The following BNC2 variants were observed in gnomAD, a reference collection of about 807,000 sequenced individuals.
BNC2 encodes basonuclin zinc finger protein 2, also known as zinc finger protein basonuclin-2.
BNC2 carries 20 observed loss-of-function variants against 76.3 expected under a neutral mutation model. That is an observed-to-expected ratio of 0.26 (90% CI 0.18 to 0.38). The LOEUF (loss-of-function observed/expected upper bound fraction) is 0.38, where lower values mean the gene tolerates loss of function less well. Ranked by LOEUF, BNC2 falls within the 10% of genes least tolerant of loss-of-function variation. The pLI is 1.00. For synonymous variants in BNC2, 582 were observed against 514.8 expected (o/e 1.13, Z -1.77); for missense variants, 1,382 against 1,399.8 (o/e 0.99, Z 0.20).
In BNC2 at chr9:16,436,915, G is replaced by T; in HGVS notation, c.1279C>A (p.His427Asn). Residue 427 changes from histidine (H) to asparagine (N), a missense_variant, in exon 6 of 7, where the codon CAT becomes AAT. This residue lies in a region of BNC2 where 557 missense variants were observed against 540.9 expected (regional missense o/e 1.03). Coordinates refer to ENST00000380672, the MANE Select transcript of BNC2 (RefSeq NM_017637.6). ...GCTGACCCCATCCTTCTCATCCGATGAATCCGGAATGAGCTTTTTGGGTGT... is the reference window on the plus strand; with the variant it reads ...GCTGACCCCATCCTTCTCATCCGATTAATCCGGAATGAGCTTTTTGGGTGT... ...TEHPKSSFRI[H>N]RMRRMGSASR... 1 of 1,614,112 alleles carries T rather than the reference G, an allele frequency of 6.2e-7. No individual in the cohort carries two copies. The highest frequency in any genetic ancestry group is 8.5e-7 in the Non-Finnish European group (1 of 1,180,036).
chr9:16,777,837 G>A (rs1022542656), intron 1 of BNC2, among the ~76,000 whole-genome samples: 5 of 152,094 alleles, frequency 3.3e-5, no homozygotes, highest in African/African-American at 1.2e-4. Flanking sequence ...GAGAAGTGGT[G>A]ACAATAAGTA....
At chr9:16,575,469 G>A in intron 4 of BNC2, 2 of 984,404 alleles carry the variant, frequency 2.0e-6, no homozygotes, top group Non-Finnish European at 1.2e-6. Context: ...TTGAAGGGGA[G>A]GCACTGTTTG....
At chr9:16,781,065 C>A (rs1826139969) in intron 1 of BNC2, among the ~76,000 whole-genome samples, 1 of 151,518 alleles carries the variant, frequency 6.6e-6, no homozygotes, top group Admixed American at 6.6e-5. Flanking sequence ...CCAGGGACTT[C>A]TTTTTTTTAG....
intron 1 of BNC2, among the ~76,000 whole-genome samples, chr9:16,821,598 A>G (rs1818330847): frequency 6.6e-6 from 1 of 152,202 alleles, no homozygotes; most frequent in Non-Finnish European, 1.5e-5. Flanking sequence ...AAGAGGTTAC[A>G]ACATATCAGG....
rs754284081 is a variant in BNC2, at chr9:16,583,084, G to T, written c.332C>A (p.Ala111Asp). The change falls in exon 4 of 7, where the codon GCC (alanine) becomes GAC (aspartate). Residue 111 changes from alanine (A) to aspartate (D), a missense_variant and splice_region_variant. This residue lies in a region of BNC2 where 557 missense variants were observed against 540.9 expected (regional missense o/e 1.03). Coordinates refer to ENST00000380672, the MANE Select transcript of BNC2 (RefSeq NM_017637.6). ...TNLLFRMSQQ[A>D]IRCTLVNCTC... ...GCAGTTTACCAGTGTGCAACGGATGGCCTGAAAAATAAAGGAGGAAAAAAA... is the reference window on the plus strand; with the variant it reads ...GCAGTTTACCAGTGTGCAACGGATGTCCTGAAAAATAAAGGAGGAAAAAAA... 1.2e-6 allele frequency: 2 copies of T among 1,613,382 alleles called. No homozygotes were observed. The highest frequency in any genetic ancestry group is 1.1e-5 in the South Asian group (1 of 91,078).
chr9:16,672,324 C>G (rs182304797), intron 3 of BNC2, among the ~76,000 whole-genome samples: 1 of 152,156 alleles, frequency 6.6e-6, no homozygotes, highest in Admixed American at 6.5e-5. Context: ...GGTGAAACCC[C>G]GTCTCTACTA....
At chr9:16,851,017 C>G (rs138089426) in intron 1 of BNC2, among the ~76,000 whole-genome samples, 1 of 151,954 alleles carries the variant, frequency 6.6e-6, no homozygotes, top group Non-Finnish European at 1.5e-5. Context: ...GACACCATCA[C>G]TGCATCATCT....
At chr9:16,781,009 G>GA (rs916360028) in intron 1 of BNC2, among the ~76,000 whole-genome samples, 22 of 149,750 alleles carry the variant, frequency 1.5e-4, no homozygotes, top group South Asian at 2.1e-4. Context: ...TCCTTTGTTT[G>GA]AAAAAAAAAG....
chr9:16,458,627 CA>C (rs1290556913), intron 5 of BNC2, among the ~76,000 whole-genome samples: 4 of 152,144 alleles, frequency 2.6e-5, no homozygotes, highest in Non-Finnish European at 5.9e-5. Context: ...TAGAAGTGTA[CA>C]AAAAACATTT....
At chr9:16,855,019 A>C (rs1227291054) in intron 1 of BNC2, among the ~76,000 whole-genome samples, 1 of 151,886 alleles carries the variant, frequency 6.6e-6, no homozygotes, top group African/African-American at 2.4e-5. Flanking sequence ...TTTGGATTAT[A>C]ATCTGACTCC....
At chr9:16,704,299 G>A (rs769324943) in intron 3 of BNC2, among the ~76,000 whole-genome samples, 5 of 152,236 alleles carry the variant, frequency 3.3e-5, no homozygotes, top group Middle Eastern at 3.4e-3. Context: ...TGAATGAGAC[G>A]GCTAGAGTTT....
At chr9:16,638,926 A>G (rs550555115) in intron 3 of BNC2, among the ~76,000 whole-genome samples, 1 of 152,310 alleles carries the variant, frequency 6.6e-6, no homozygotes, top group South Asian at 2.1e-4. Context: ...GCAAAAGTTA[A>G]AGATAATAAT....
At chr9:16,675,049 T>A (rs779309873) in intron 3 of BNC2, among the ~76,000 whole-genome samples, 1 of 152,174 alleles carries the variant, frequency 6.6e-6, no homozygotes, top group Non-Finnish European at 1.5e-5. Flanking sequence ...TTTCTTAGCA[T>A]CAAGCTAGCA....
At chr9:16,736,996 G>C (rs957512873) in intron 2 of BNC2, among the ~76,000 whole-genome samples, 16 of 151,060 alleles carry the variant, frequency 1.1e-4, no homozygotes, top group African/African-American at 3.7e-4. Flanking sequence ...AGTAGAGACA[G>C]GGTTTCTCCA....
chr9:16,527,269 A>G (rs1817834074), intron 5 of BNC2, among the ~76,000 whole-genome samples: 2 of 152,212 alleles, frequency 1.3e-5, no homozygotes, highest in Non-Finnish European at 2.9e-5. Context: ...TGCAAACATC[A>G]GAGGATGATG....
intron 5 of BNC2, 83 bp from the exon 6 acceptor site, chr9:16,437,607 C>T (rs41268967): frequency 0.061 from 91,013 of 1,480,218 alleles, 3,103 homozygotes; most frequent in African/African-American, 0.11. Flanking sequence ...ACTGAAGGTG[C>T]TCTGTGTGCT....
intron 1 of BNC2, among the ~76,000 whole-genome samples, chr9:16,744,809 T>G (rs10810604): frequency 1.3e-5 from 2 of 152,096 alleles, no homozygotes; most frequent in Admixed American, 6.5e-5. Flanking sequence ...AGAAAAACTG[T>G]GTAAAATGTG....
rs184865293 is a variant in BNC2, at chr9:16,750,746, C to T, written c.4-12261G>A. Reference sequence around the variant, plus strand: ...TGTTAATGAACGATTAAGCCTCCCACTCATCAAGGCTTGAAAGCAAATTCA... The same window carrying T: ...TGTTAATGAACGATTAAGCCTCCCATTCATCAAGGCTTGAAAGCAAATTCA... On this transcript the variant is annotated intron_variant, in intron 1 of 6. Transcript: ENST00000380672. Among the ~76,000 whole-genome samples the T allele has an allele frequency of 4.2e-3, 635 of 152,386 alleles. 4 individuals are homozygous for T. The highest frequency in any genetic ancestry group is 0.013 in the African/African-American group (556 of 41,594).
rs180819326 is a variant in BNC2 at position 16,682,571 on chromosome 9, G to A, written c.330+45226C>T. Among the ~76,000 whole-genome samples the A allele has an allele frequency of 2.0e-5, 3 of 152,164 alleles. 1 individual carries two copies. Among genetic ancestry groups the A allele is most frequent in the Non-Finnish European group, 4.4e-5 (3 of 68,014 alleles). ...CACAGTTGTTCATTAATTACAGGAA[G>A]CACCTCATTTAACTTTTATGGAAAT... is the stretch of plus-strand genomic sequence containing the variant. On this transcript the variant is annotated intron_variant, in intron 3 of 6. Transcript: ENST00000380672.
Sources: allele counts gnomAD v4.1 joint callset (sites outside exome capture counted in the v4.1 genomes callset), GRCh38; gene constraint gnomAD v4.1.1; regional missense constraint gnomAD v4.1.1; transcripts MANE v1.5; gene names NCBI Gene and HGNC (gene_info 2026-07-23, HGNC 2026-07-21).